The following RBM47 variants were observed in gnomAD, a reference collection of about 807,000 sequenced individuals.
RBM47 encodes the protein RNA-binding protein 47.
A neutral mutation model predicts 47.1 loss-of-function variants in RBM47; 21 were observed. The ratio of observed to expected loss-of-function variants is 0.45; its 90% CI spans 0.32 to 0.64. The LOEUF is 0.64. Ranked by LOEUF, RBM47 falls within the 30% of genes least tolerant of loss-of-function variation. RBM47 has a pLI of 0.05. For synonymous variants in RBM47, 375 were observed against 361.7 expected (o/e 1.04, Z -0.42); for missense variants, 708 against 870.9 (o/e 0.81, Z 2.35).
chr4:40,548,564 G>A (rs775655186), intron 1 of RBM47, among the ~76,000 whole-genome samples: 2 of 152,248 alleles, frequency 1.3e-5, no homozygotes, highest in Non-Finnish European at 2.9e-5. Flanking sequence ...GATGCTTGCC[G>A]GTCAAGGTCA....
At chr4:40,563,589 G>A (rs1730832683) in intron 1 of RBM47, among the ~76,000 whole-genome samples, 2 of 152,216 alleles carry the variant, frequency 1.3e-5, no homozygotes, top group South Asian at 4.1e-4. Context: ...TCAGTTGGGG[G>A]CCCCAAAGGA....
chr4:40,586,876 G>C (rs547675267), intron 1 of RBM47, among the ~76,000 whole-genome samples: 3 of 152,062 alleles, frequency 2.0e-5, no homozygotes, highest in Admixed American at 2.0e-4. Flanking sequence ...AGGGGCAGGA[G>C]GGGATTCACA....
At chr4:40,598,066 C>A (rs1055708050) in intron 1 of RBM47, among the ~76,000 whole-genome samples, 2 of 152,144 alleles carry the variant, frequency 1.3e-5, no homozygotes, top group South Asian at 4.1e-4. Context: ...TCTGAAAATT[C>A]TTTAGTGTAT....
intron 2 of RBM47, among the ~76,000 whole-genome samples, chr4:40,506,192 C>T (rs966933747): frequency 2.0e-5 from 3 of 152,218 alleles, no homozygotes; most frequent in Non-Finnish European, 4.4e-5. Context: ...TTTGTTTCTA[C>T]TCCAAGTCCA....
chr4:40,471,817 C>A (rs920913651), intron 2 of RBM47, among the ~76,000 whole-genome samples: 2 of 152,168 alleles, frequency 1.3e-5, no homozygotes, highest in Non-Finnish European at 2.9e-5. Context: ...AGAGGCTCCA[C>A]GTCCTCCTCC....
At chr4:40,432,378 A>T (rs1340720474) in intron 6 of RBM47, among the ~76,000 whole-genome samples, 1 of 152,204 alleles carries the variant, frequency 6.6e-6, no homozygotes, top group Admixed American at 6.5e-5. Flanking sequence ...ATTTTAAAAA[A>T]ATATATGCAC....
chr4:40,436,437 T>A lies in RBM47; in HGVS notation c.1330+4A>T. 1.2e-6 allele frequency: 2 copies of A among 1,612,584 alleles called. No homozygotes were observed. Among genetic ancestry groups the A allele is most frequent in the Non-Finnish European group, 1.7e-6 (2 of 1,179,504 alleles). On this transcript the variant is annotated splice_donor_region_variant and intron_variant, in intron 5 of 6. Coordinates refer to ENST00000295971, the MANE Select transcript of RBM47 (RefSeq NM_001098634.2). ...GGAGCATTCTCAATCTGCTTCATACTGACCTGTACCAGGTTTAATGGCAAC... is the reference window on the plus strand; with the variant it reads ...GGAGCATTCTCAATCTGCTTCATACAGACCTGTACCAGGTTTAATGGCAAC...
chr4:40,489,767 T>C (rs562051893), intron 2 of RBM47, among the ~76,000 whole-genome samples: 10 of 152,282 alleles, frequency 6.6e-5, no homozygotes, highest in African/African-American at 2.4e-4. Flanking sequence ...CACCAATCCT[T>C]CACAAATTCT....
intron 4 of RBM47, among the ~76,000 whole-genome samples, chr4:40,437,090 A>AAAAAAAAAAAAAAAT (rs1256296949): frequency 6.0e-5 from 3 of 49,852 alleles, no homozygotes; most frequent in Non-Finnish European, 9.9e-5. Context: ...AAAAAAAAAA[A>AAAAAAAAAAAAAAAT]ATATATATAT....
intron 5 of RBM47, among the ~76,000 whole-genome samples, chr4:40,434,938 G>C (rs1254929290): frequency 6.6e-6 from 1 of 152,178 alleles, no homozygotes; most frequent in Non-Finnish European, 1.5e-5. Flanking sequence ...GAGGGGTCTG[G>C]AGGAGGGTCG....
intron 1 of RBM47, among the ~76,000 whole-genome samples, chr4:40,561,544 C>CTTTTCTTTTT (rs1560470026): frequency 3.2e-5 from 4 of 124,576 alleles, no homozygotes; most frequent in African/African-American, 6.8e-5. Context: ...TTCTTCTTTT[C>CTTTTCTTTTT]TTTTTTTTTT....
chr4:40,530,061 G>A lies in RBM47; in HGVS notation c.-155+14361C>T, dbSNP rs192294592. ...AGCGATTCTCCTGGCTCAGCCTCCCGATGAGCTGGGATTACAGGCGTGTGC... is the reference window on the plus strand; with the variant it reads ...AGCGATTCTCCTGGCTCAGCCTCCCAATGAGCTGGGATTACAGGCGTGTGC... On this transcript the variant is annotated intron_variant, in intron 2 of 6. Coordinates refer to ENST00000295971, the MANE Select transcript of RBM47 (RefSeq NM_001098634.2). Among the ~76,000 whole-genome samples the A allele has an allele frequency of 2.5e-3, 351 of 141,368 alleles. 3 individuals carry two copies. The highest frequency in any genetic ancestry group is 8.8e-3 in the African/African-American group (335 of 38,260). 92.7% of individuals were successfully genotyped at this position (141,368 alleles called of 152,430 possible). A position where few individuals can be genotyped will look rare whatever the true frequency, so the allele number is the denominator to read the frequency against.
chr4:40,568,778 C>T (rs961946916), intron 1 of RBM47, among the ~76,000 whole-genome samples: 37 of 151,702 alleles, frequency 2.4e-4, no homozygotes, highest in African/African-American at 7.5e-4. Context: ...GTCAGGAGTT[C>T]GAGACCAGCC....
Position 40,438,401 on chromosome 4 carries a change from C to T in RBM47, c.493G>A (p.Glu165Lys). The change falls in exon 4 of 7, where the codon GAG (glutamate) becomes AAG (lysine). Residue 165 changes from glutamate to lysine, a missense_variant. By Grantham distance (56) the Glu-to-Lys change is moderately conservative (BLOSUM62 1). Transcript: ENST00000295971. ...IGGIPKMKKR[E>K]EILEEIAKVT... ...TTGGCAATCTCCTCCAGGATTTCCT[C>T]GCGCTTCTTCATCTTGGGGATCCCG... The T allele has an allele frequency of 6.2e-7, 1 of 1,613,240 alleles. No individual in the cohort carries two copies. Among genetic ancestry groups the T allele is most frequent in the Non-Finnish European group, 8.5e-7 (1 of 1,179,986 alleles).
intron 3 of RBM47, among the ~76,000 whole-genome samples, chr4:40,458,763 T>C (rs962809487): frequency 5.9e-5 from 9 of 151,530 alleles, no homozygotes; most frequent in Non-Finnish European, 8.8e-5. Context: ...TGTTTTTTTT[T>C]CCCCCTTTTC....
At chr4:40,470,689 C>A (rs1361105803) in intron 2 of RBM47, among the ~76,000 whole-genome samples, 1 of 152,198 alleles carries the variant, frequency 6.6e-6, no homozygotes, top group Non-Finnish European at 1.5e-5. Flanking sequence ...AACTTTCTCA[C>A]CACAACCCTC....
chr4:40,454,720 C>G (rs915160126), intron 3 of RBM47, among the ~76,000 whole-genome samples: 1 of 152,098 alleles, frequency 6.6e-6, no homozygotes, highest in Admixed American at 6.5e-5. Flanking sequence ...CTGGTCTCGA[C>G]CTCCTGACCT....
chr4:40,522,010 C>T (rs1465681321), intron 2 of RBM47, among the ~76,000 whole-genome samples: 1 of 152,124 alleles, frequency 6.6e-6, no homozygotes, highest in Non-Finnish European at 1.5e-5. Flanking sequence ...TTTAAAAATA[C>T]ATACTGAAAT....
chr4:40,483,097 G>T (rs1261390713), intron 2 of RBM47, among the ~76,000 whole-genome samples: 1 of 152,166 alleles, frequency 6.6e-6, no homozygotes, highest in Admixed American at 6.5e-5. Flanking sequence ...TCTTTAAAAG[G>T]TCAACTCCAA....
Sources: allele counts gnomAD v4.1 joint callset (sites outside exome capture counted in the v4.1 genomes callset), GRCh38; gene constraint gnomAD v4.1.1; transcripts MANE v1.5; gene names NCBI Gene and HGNC (gene_info 2026-07-23, HGNC 2026-07-21).